Variants in GPC6 observed in about 807,000 individuals in gnomAD.
GPC6 encodes glypican-6.
In GPC6, 14 loss-of-function variants were observed where a neutral mutation model predicts 55.2. The observed-to-expected ratio is 0.25, with a 90% CI of 0.17 to 0.40. GPC6 has a LOEUF of 0.40. Ranked by LOEUF, GPC6 falls within the 10% of genes least tolerant of loss-of-function variation. GPC6 has a pLI of 1.00. For missense variants in GPC6, 641 were observed against 708.5 expected, an observed-to-expected ratio of 0.90 and a Z score of 1.08; for synonymous variants, 278 against 259.6, an observed-to-expected ratio of 1.07 and a Z score of -0.68.
intron 4 of GPC6, among the ~76,000 whole-genome samples, chr13:94,099,956 A>G (rs1161456920): frequency 1.3e-5 from 2 of 152,162 alleles, no homozygotes; most frequent in African/African-American, 2.4e-5. Context: ...AACTGCAGAT[A>G]CTTGAGGGTA....
intron 2 of GPC6, among the ~76,000 whole-genome samples, chr13:93,824,738 A>T (rs1887173668): frequency 6.6e-6 from 1 of 152,160 alleles, no homozygotes; most frequent in African/African-American, 2.4e-5. Context: ...TCCTGTTCTA[A>T]GATGTGGTTT....
chr13:93,799,858 AG>A (rs1200138085), intron 2 of GPC6, among the ~76,000 whole-genome samples: 1 of 152,174 alleles, frequency 6.6e-6, no homozygotes. Context: ...TAGATTCAGT[AG>A]GCTGTCTTAA....
At chr13:93,335,322 T>C (rs2139142303) in intron 1 of GPC6, among the ~76,000 whole-genome samples, 1 of 152,328 alleles carries the variant, frequency 6.6e-6, no homozygotes, top group African/African-American at 2.4e-5. Flanking sequence ...ATAATACACC[T>C]CACATCATTG....
the GPC6 span, among the ~76,000 whole-genome samples, chr13:93,219,314 G>A: frequency 6.6e-6 from 1 of 152,036 alleles, no homozygotes; most frequent in Non-Finnish European, 1.5e-5. Flanking sequence ...GGCTGGTCTT[G>A]AACTCCTGAT....
chr13:93,823,289 G>T (rs907825579), intron 2 of GPC6, among the ~76,000 whole-genome samples: 1 of 151,960 alleles, frequency 6.6e-6, no homozygotes, highest in Non-Finnish European at 1.5e-5. Flanking sequence ...TTCATATCAT[G>T]GTCTGAAAAT....
At chr13:93,964,824 A>G (rs8000531) in intron 3 of GPC6, among the ~76,000 whole-genome samples, 2,474 of 152,186 alleles carry the variant, frequency 0.016, 79 homozygotes, top group African/African-American at 0.057. Context: ...AAATAGCCCA[A>G]AGTTTTCCAT....
chr13:94,256,575 G>A (rs541325994), intron 4 of GPC6, among the ~76,000 whole-genome samples: 2 of 152,280 alleles, frequency 1.3e-5, no homozygotes, highest in South Asian at 4.1e-4. Context: ...ATCATCCTCT[G>A]AGGTCCAGCT....
chr13:93,866,303 G>A (rs1037600648), intron 3 of GPC6, among the ~76,000 whole-genome samples: 13 of 151,686 alleles, frequency 8.6e-5, no homozygotes, highest in African/African-American at 2.9e-4. Context: ...ACACAAAACC[G>A]ATTCATGAAT....
rs917962811 is a variant in GPC6 at position 93,770,885 on chromosome 13, G to GT, written c.320-59259dup. Among the ~76,000 whole-genome samples, 1,074 of 149,650 alleles carry GT rather than the reference G, an allele frequency of 7.2e-3. 12 individuals are homozygous for GT. The highest frequency in any genetic ancestry group is 0.024 in the African/African-American group (986 of 40,856). ...GACTTATTTGGCACTTACTTAAGTA[G>GT]TTTTTTTTTTCATCCTTAGGATGGT... On this transcript the variant is annotated intron_variant, in intron 2 of 8. Coordinates refer to ENST00000377047, the MANE Select transcript of GPC6 (RefSeq NM_005708.5).
At chr13:94,360,697 G>C (rs1369608544) in intron 6 of GPC6, among the ~76,000 whole-genome samples, 1 of 152,210 alleles carries the variant, frequency 6.6e-6, no homozygotes, top group Non-Finnish European at 1.5e-5. Flanking sequence ...AAGATTTCCA[G>C]AGTGCTATCC....
At chr13:94,233,906 A>G (rs1216104776) in intron 4 of GPC6, among the ~76,000 whole-genome samples, 1 of 152,178 alleles carries the variant, frequency 6.6e-6, no homozygotes, top group Admixed American at 6.5e-5. Context: ...AGTTTCAGGC[A>G]TATGCTGAGG....
At chr13:93,914,809 T>C (rs1877204655) in intron 3 of GPC6, among the ~76,000 whole-genome samples, 1 of 152,172 alleles carries the variant, frequency 6.6e-6, no homozygotes, top group Non-Finnish European at 1.5e-5. Context: ...AGAGAATGTA[T>C]GAGATTAGAG....
At chr13:93,880,645 C>T (rs1009686984) in intron 3 of GPC6, among the ~76,000 whole-genome samples, 3 of 151,932 alleles carry the variant, frequency 2.0e-5, no homozygotes, top group African/African-American at 7.3e-5. Flanking sequence ...AGTGCACCAG[C>T]ATGGCACATG....
chr13:94,136,882 A>G (rs562951066), intron 4 of GPC6, among the ~76,000 whole-genome samples: 14 of 152,316 alleles, frequency 9.2e-5, no homozygotes, highest in African/African-American at 3.4e-4. Context: ...AAATAGGAAG[A>G]GATTAACAGA....
intron 1 of GPC6, among the ~76,000 whole-genome samples, chr13:93,486,967 C>G (rs1446518854): frequency 6.6e-6 from 1 of 151,338 alleles, no homozygotes; most frequent in Non-Finnish European, 1.5e-5. Flanking sequence ...ACAAAAAAAC[C>G]CCAAAAAACA....
At chr13:93,458,443 C>CA (rs2139311600) in intron 1 of GPC6, among the ~76,000 whole-genome samples, 1 of 152,222 alleles carries the variant, frequency 6.6e-6, no homozygotes, top group South Asian at 2.1e-4. Flanking sequence ...CCTACCCCCC[C>CA]ATATAAGTTC....
rs537253038 is a variant in GPC6, at chr13:93,912,610, G to A, written c.711+82065G>A. Among the ~76,000 whole-genome samples the A allele has an allele frequency of 3.3e-5, 5 of 152,270 alleles. No homozygotes were observed. In the South Asian group the frequency reaches 1.0e-3, roughly 32 times the overall value. Reference sequence around the variant, plus strand: ...TACAAAAAATTAGCCTGGTGTGGTGGCGGGCGCCTGTAGTCCCAGCTACTC... The same window carrying A: ...TACAAAAAATTAGCCTGGTGTGGTGACGGGCGCCTGTAGTCCCAGCTACTC... On this transcript the variant is annotated intron_variant, in intron 3 of 8. Coordinates refer to ENST00000377047, the MANE Select transcript of GPC6 (RefSeq NM_005708.5).
At chr13:93,560,460 C>T (rs957859908) in intron 2 of GPC6, among the ~76,000 whole-genome samples, 1 of 151,986 alleles carries the variant, frequency 6.6e-6, no homozygotes, top group African/African-American at 2.4e-5. Context: ...GTCCAGGCTG[C>T]AGTGACCCAT....
At chr13:93,560,464 G>C (rs1162035279) in intron 2 of GPC6, among the ~76,000 whole-genome samples, 2 of 152,044 alleles carry the variant, frequency 1.3e-5, no homozygotes, top group Non-Finnish European at 2.9e-5. Context: ...AGGCTGCAGT[G>C]ACCCATGATC....
Sources: allele counts gnomAD v4.1 joint callset (sites outside exome capture counted in the v4.1 genomes callset), GRCh38; gene constraint gnomAD v4.1.1; transcripts MANE v1.5; gene names NCBI Gene and HGNC (gene_info 2026-07-23, HGNC 2026-07-21).